The following UNC13B variants were observed in gnomAD, a reference collection of about 807,000 sequenced individuals.
UNC13B encodes the protein protein unc-13 homolog B.
A neutral mutation model predicts 211.0 loss-of-function variants in UNC13B; 144 were observed. The observed-to-expected ratio is 0.68, with a 90% CI of 0.60 to 0.78. The LOEUF is 0.78. Among genes scored for constraint, UNC13B ranks in the 30% least tolerant of loss-of-function variants. The probability of loss-of-function intolerance (pLI) is 0.00; values close to 1 mark genes in which losing one functional copy is unlikely to be tolerated. For missense variants in UNC13B, 1,777 were observed against 2,002.0 expected (o/e 0.89, Z 2.14); for synonymous variants, 709 against 725.8 (o/e 0.98, Z 0.37).
At chr9:35,235,564 A>T (rs1825452901) in intron 3 of UNC13B, among the ~76,000 whole-genome samples, 1 of 151,052 alleles carries the variant, frequency 6.6e-6, no homozygotes, top group Non-Finnish European at 1.5e-5. Context: ...TCAGCCTCCC[A>T]AGTAGCTGGG....
chr9:35,279,443 T>C (rs1044266445), intron 7 of UNC13B, among the ~76,000 whole-genome samples: 3 of 152,218 alleles, frequency 2.0e-5, no homozygotes, highest in African/African-American at 7.2e-5. Flanking sequence ...CCATTCATAG[T>C]TGATGAAATA....
chr9:35,364,647 ATG>A (rs34002086), intron 11 of UNC13B: 62,589 of 1,212,794 alleles, frequency 0.052, 31 homozygotes, highest in South Asian at 0.076. Flanking sequence ...GTGTGTGTGT[ATG>A]TGTGTGTGTG....
rs149086575 is a variant in UNC13B at position 35,236,573 on chromosome 9, G to A, written c.257G>A (p.Arg86His). ...GTVWIALKTI[R>H]QSDEEGPGEW... ...GTGTGGATTGCGCTGAAGACTATTC[G>A]TCAGTCGGATGAGGTCAGTCATTGC... The change falls in exon 4 of 40, where the codon CGT becomes CAT. Residue 86 changes from arginine (R) to histidine (H), a missense_variant. Physicochemically the swap from Arg to His is conservative, Grantham distance 29. Transcript: ENST00000635942. 2,200 of 1,613,952 alleles carry A rather than the reference G, an allele frequency of 1.4e-3. No homozygotes were observed. Among genetic ancestry groups the A allele is most frequent in the Non-Finnish European group, 1.6e-3 (1,922 of 1,179,896 alleles).
intron 11 of UNC13B, among the ~76,000 whole-genome samples, chr9:35,359,410 C>T (rs1022612030): frequency 3.3e-5 from 5 of 152,126 alleles, no homozygotes; most frequent in Admixed American, 2.0e-4. Flanking sequence ...CTTTCAATCC[C>T]GAGTTTCATA....
At chr9:35,365,732 T>C (rs1456495694) in intron 11 of UNC13B, among the ~76,000 whole-genome samples, 95 of 152,322 alleles carry the variant, frequency 6.2e-4, no homozygotes. Flanking sequence ...TCTGGCTGCC[T>C]TTTGGACCTG....
chr9:35,344,171 T>C (rs1232752391), intron 11 of UNC13B, among the ~76,000 whole-genome samples: 1 of 152,100 alleles, frequency 6.6e-6, no homozygotes, highest in Admixed American at 6.5e-5. Context: ...CAGCAGGATC[T>C]CTCCCTGCCA....
intron 11 of UNC13B, among the ~76,000 whole-genome samples, chr9:35,358,011 A>C (rs10814230): frequency 0.16 from 24,815 of 152,136 alleles, 3,029 homozygotes; most frequent in African/African-American, 0.33. Context: ...AATTTGATTG[A>C]TCTAAGTACC....
chr9:35,237,543 A>G (rs143976743), intron 4 of UNC13B, among the ~76,000 whole-genome samples, 160 bp from the exon 5 acceptor site: 3 of 152,318 alleles, frequency 2.0e-5, no homozygotes, highest in Admixed American at 6.5e-5. Flanking sequence ...CAGAAGCCAC[A>G]TGCAGTGGAG....
At chr9:35,214,136 A>G (rs1824124538) in intron 1 of UNC13B, among the ~76,000 whole-genome samples, 1 of 152,134 alleles carries the variant, frequency 6.6e-6, no homozygotes, top group South Asian at 2.1e-4. Flanking sequence ...TATATTTAGA[A>G]AAAAGACCAG....
At chr9:35,397,456 C>A in intron 29 of UNC13B, 146 bp downstream of exon 29, 1 of 1,397,120 alleles carries the variant, frequency 7.2e-7, no homozygotes, top group Non-Finnish European at 9.8e-7. Flanking sequence ...CTGGGGCAGA[C>A]AGATGGTTCT....
chr9:35,216,990 T>C (rs1824284662), intron 1 of UNC13B, among the ~76,000 whole-genome samples: 1 of 152,308 alleles, frequency 6.6e-6, no homozygotes, highest in Admixed American at 6.5e-5. Flanking sequence ...AGCAGATTAA[T>C]GGTTCCAATG....
At chr9:35,326,438 T>C (rs562750825) in intron 11 of UNC13B, among the ~76,000 whole-genome samples, 117 of 152,330 alleles carry the variant, frequency 7.7e-4, no homozygotes, top group Non-Finnish European at 1.5e-3. Context: ...CACTCTGTCC[T>C]GCAGGCTGGA....
At position 35,364,110 on chromosome 9, in the gene UNC13B, T is replaced by C. The variant is rs892810866; in HGVS notation, c.9415-2837T>C. 4.6e-5 allele frequency among the ~76,000 whole-genome samples: 7 copies of C among 152,210 alleles called. 1 individual carries two copies. Among genetic ancestry groups the C allele is most frequent in the Non-Finnish European group, 7.3e-5 (5 of 68,034 alleles). ...AGGGCCTTTGGAGTTTGAGGACTTATACCAGATCTAGAATAAGCTCACGTG... is the reference window on the plus strand; with the variant it reads ...AGGGCCTTTGGAGTTTGAGGACTTACACCAGATCTAGAATAAGCTCACGTG... On this transcript the variant is annotated intron_variant, in intron 11 of 39. Coordinates refer to ENST00000635942, the MANE Select transcript of UNC13B (RefSeq NM_001371189.2).
chr9:35,365,660 G>C (rs182847132), intron 11 of UNC13B, among the ~76,000 whole-genome samples: 2 of 152,040 alleles, frequency 1.3e-5, no homozygotes, highest in East Asian at 3.9e-4. Flanking sequence ...ACCTACTGTT[G>C]TTTCTTCCCA....
At chr9:35,345,666 A>G (rs975895371) in intron 11 of UNC13B, among the ~76,000 whole-genome samples, 5 of 152,202 alleles carry the variant, frequency 3.3e-5, no homozygotes, top group Non-Finnish European at 7.3e-5. Flanking sequence ...AGTCTTTGTC[A>G]TGGGTTAGAT....
At chr9:35,176,359 C>T (rs1410343459) in intron 1 of UNC13B, among the ~76,000 whole-genome samples, 1 of 151,874 alleles carries the variant, frequency 6.6e-6, no homozygotes, top group African/African-American at 2.4e-5. Flanking sequence ...ACCAGCCTGG[C>T]CAACATGACA....
chr9:35,251,368 C>G (rs187960315), intron 6 of UNC13B, among the ~76,000 whole-genome samples: 2 of 152,284 alleles, frequency 1.3e-5, no homozygotes, highest in African/African-American at 2.4e-5. Context: ...GGTCAGACCA[C>G]TTGAGGTCAG....
At chr9:35,198,100 A>T (rs563612273) in intron 1 of UNC13B, among the ~76,000 whole-genome samples, 1 of 152,306 alleles carries the variant, frequency 6.6e-6, no homozygotes, top group South Asian at 2.1e-4. Flanking sequence ...CTTCCTATTC[A>T]TAACATGTGT....
At chr9:35,238,275 A>G (rs1413030430) in intron 5 of UNC13B, among the ~76,000 whole-genome samples, 47 of 152,224 alleles carry the variant, frequency 3.1e-4, no homozygotes, top group Admixed American at 3.1e-3. Context: ...GGAAATGTAC[A>G]TGGATAAAGT....
Sources: allele counts gnomAD v4.1 joint callset (sites outside exome capture counted in the v4.1 genomes callset), GRCh38; gene constraint gnomAD v4.1.1; transcripts MANE v1.5; gene names NCBI Gene and HGNC (gene_info 2026-07-23, HGNC 2026-07-21).